Variants in KCTD19 observed in about 807,000 individuals in gnomAD.
KCTD19 encodes BTB/POZ domain-containing protein KCTD19.
A neutral mutation model predicts 103.5 loss-of-function variants in KCTD19; 67 were observed. The observed-to-expected ratio is 0.65, with a 90% confidence interval of 0.53 to 0.79. The LOEUF is 0.79. KCTD19 is among the 30% of genes least tolerant of loss of function. The pLI is 0.00. For missense variants in KCTD19, 980 were observed against 1,136.1 expected (o/e 0.86, Z 1.98); for synonymous variants, 439 against 452.2 (o/e 0.97, Z 0.37).
chr16:67,304,423 G>C lies in KCTD19; in HGVS notation c.449C>G (p.Thr150Arg). ...AGGGACAGCCTATCCCAATTCACCT[G>C]TAAAGGCTGGGCTTTTAATTGGAAA... is the stretch of plus-strand genomic sequence containing the variant. ...SEFPIKSPAF[T>R]GLHDKAPLGL... The change falls in exon 3 of 16, where the codon ACA becomes AGA. Residue 150 changes from threonine (T) to arginine (R), a missense_variant and splice_region_variant. Transcript: ENST00000304372. The C allele has an allele frequency of 6.2e-7, 1 of 1,613,940 alleles. No homozygotes were observed. Among genetic ancestry groups the C allele is most frequent in the Non-Finnish European group, 8.5e-7 (1 of 1,179,826 alleles).
intron 2 of KCTD19, among the ~76,000 whole-genome samples, chr16:67,316,070 C>G (rs550792805): frequency 6.6e-6 from 1 of 152,186 alleles, no homozygotes; most frequent in Non-Finnish European, 1.5e-5. Flanking sequence ...TTGACAAGGT[C>G]TAGCTCTGTC....
In KCTD19 at chr16:67,291,702, G is replaced by A. The variant is rs769389422; in HGVS notation, c.2354C>T (p.Thr785Ile). ...GTGCCTGAGGTTGTCCATCTCCGTGGTATAGATGATGCTGTCCTCAAAGAA... is the reference window on the plus strand; with the variant it reads ...GTGCCTGAGGTTGTCCATCTCCGTGATATAGATGATGCTGTCCTCAAAGAA... ...CMFFEDSIIYTTEMDNLRHTT... is the reference protein window; with the variant it reads ...CMFFEDSIIYITEMDNLRHTT... The change falls in exon 13 of 16, where the codon ACC becomes ATC. Residue 785 changes from threonine to isoleucine, a missense_variant. By Grantham distance (89) the Thr-to-Ile change is moderately conservative (BLOSUM62 -1). Coordinates refer to ENST00000304372, the MANE Select transcript of KCTD19 (RefSeq NM_001100915.3). 10 of 1,614,142 alleles carry A rather than the reference G, an allele frequency of 6.2e-6. No homozygotes were observed. In the East Asian group the frequency reaches 1.8e-4, roughly 29 times the overall value.
chr16:67,310,638 C>CA (rs1046921815), intron 2 of KCTD19, among the ~76,000 whole-genome samples: 110 of 152,284 alleles, frequency 7.2e-4, no homozygotes, highest in African/African-American at 2.6e-3. Flanking sequence ...CAATCAGAAG[C>CA]AACATAAAAC....
intron 15 of KCTD19, among the ~76,000 whole-genome samples, chr16:67,290,167 CTTTTTTTTTTTTT>C (rs11296444): frequency 3.3e-4 from 23 of 69,284 alleles, no homozygotes; most frequent in African/African-American, 9.3e-4. Flanking sequence ...TGAATATTTT[CTTTTTTTTTTTTT>C]TTTTTTTTTT....
rs1004377075 is a variant in KCTD19 at position 67,320,162 on chromosome 16, G to A, written c.300+427C>T. On this transcript the variant is annotated intron_variant, in intron 2 of 15. Transcript: ENST00000304372. The surrounding 1 kb of genome is among the most constrained non-coding windows in gnomAD (Gnocchi z 4.0). The stretch of plus-strand genomic sequence containing the variant: ...CCCAGCTCTTAGGGAGGCTGAGGGA[G>A]CACTTAGGGAGGCCAATTAGAGAGG... 5.3e-5 allele frequency among the ~76,000 whole-genome samples: 8 copies of A among 152,160 alleles called. No homozygotes were observed. Among genetic ancestry groups the A allele is most frequent in the African/African-American group, 1.9e-4 (8 of 41,430 alleles).
chr16:67,296,103 G>GAGCA (rs2036761099), intron 8 of KCTD19, 56 bp downstream of exon 8: 2 of 1,015,090 alleles, frequency 2.0e-6, no homozygotes, highest in African/African-American at 3.2e-5. Flanking sequence ...ATGGCCCCCA[G>GAGCA]AGCAGCTCAG....
intron 2 of KCTD19, among the ~76,000 whole-genome samples, chr16:67,313,682 G>C (rs771063109): frequency 6.6e-6 from 1 of 151,924 alleles, no homozygotes; most frequent in African/African-American, 2.4e-5. Flanking sequence ...TCCGCCTCCC[G>C]GGTTCAAGCA....
At position 67,299,397 on chromosome 16, in the gene KCTD19, T is replaced by C. The variant is rs770355607; in HGVS notation, c.952A>G (p.Ile318Val). 3.7e-6 allele frequency: 6 copies of C among 1,614,226 alleles called. No homozygotes were observed. The South Asian group carries it at 4.4e-5, about 12-fold the overall frequency. ...ESTLDGSRLYITGNGVLFQHV... is the reference protein window; with the variant it reads ...ESTLDGSRLYVTGNGVLFQHV... ...TGAAAGAGGACGCCATTCCCTGTGATGTACAGTCGGCTTCCGTCTAGCGTG... is the reference window on the plus strand; with the variant it reads ...TGAAAGAGGACGCCATTCCCTGTGACGTACAGTCGGCTTCCGTCTAGCGTG... Residue 318 changes from isoleucine (I) to valine (V), a missense_variant, in exon 6 of 16, where the codon ATC becomes GTC. Coordinates refer to ENST00000304372, the MANE Select transcript of KCTD19 (RefSeq NM_001100915.3).
chr16:67,290,612 T>C (rs970790718), intron 15 of KCTD19, among the ~76,000 whole-genome samples: 6 of 152,190 alleles, frequency 3.9e-5, no homozygotes, highest in Non-Finnish European at 5.9e-5. Context: ...GCTCATATGA[T>C]ATGTGTCCCT....
In KCTD19 at chr16:67,306,549, C is replaced by T. The variant is rs573247103; in HGVS notation, c.301-1978G>A. Among the ~76,000 whole-genome samples the T allele has an allele frequency of 4.6e-5, 7 of 152,240 alleles. No individual in the cohort carries two copies. In the South Asian group the frequency reaches 8.3e-4, roughly 18 times the overall value. ...TGCTGGGATTATAGGCGTGAGCCAC[C>T]GTGCCCGTCCTGCCTCTCCATTTTC... On this transcript the variant is annotated intron_variant, in intron 2 of 15. Transcript: ENST00000304372.
Position 67,293,998 on chromosome 16 carries a change from G to A in KCTD19, c.1764C>T (p.Tyr588=), listed in dbSNP as rs1418901835. The change falls in exon 12 of 16, where the codon TAC becomes TAT. Residue 588 remains tyrosine (Y), a synonymous_variant. Coordinates refer to ENST00000304372, the MANE Select transcript of KCTD19 (RefSeq NM_001100915.3). The surrounding 1 kb of genome is among the most constrained non-coding windows in gnomAD (Gnocchi z 4.0). ...TGGTACACAAGCCACGGCAGTGTGA[G>A]TATGTGCTAGGGTTGCCAGCCCTCT... ...NAKRAGNPST[Y]SHCRGLCTNP... is the part of the protein sequence containing the mutation. The A allele has an allele frequency of 4.3e-6, 7 of 1,614,066 alleles. No homozygotes were observed. The highest frequency in any genetic ancestry group is 4.0e-5 in the African/African-American group (3 of 74,928).
At chr16:67,305,641 C>T (rs1463759521) in intron 2 of KCTD19, 2 of 454,822 alleles carry the variant, frequency 4.4e-6, no homozygotes, top group Non-Finnish European at 8.8e-6. Flanking sequence ...ATAACATCAG[C>T]ACCCCCTCCC....
At chr16:67,305,043 G>T (rs933336530) in intron 2 of KCTD19, among the ~76,000 whole-genome samples, 3 of 152,160 alleles carry the variant, frequency 2.0e-5, no homozygotes, top group African/African-American at 7.2e-5. Flanking sequence ...AGGGTGACAT[G>T]CTGATATTCA....
At chr16:67,292,902 G>C (rs2036716155) in intron 12 of KCTD19, among the ~76,000 whole-genome samples, 1 of 152,094 alleles carries the variant, frequency 6.6e-6, no homozygotes, top group Admixed American at 6.6e-5. Flanking sequence ...CAGTCCCACA[G>C]GCTAGAAACC....
chr16:67,290,701 A>G (rs181349464), intron 15 of KCTD19, among the ~76,000 whole-genome samples, 184 bp downstream of exon 15: 1 of 152,340 alleles, frequency 6.6e-6, no homozygotes, highest in Admixed American at 6.5e-5. Context: ...TGGCCTGAAT[A>G]CTGCTTTTGG....
chr16:67,319,567 G>C (rs1236709091), intron 2 of KCTD19, among the ~76,000 whole-genome samples: 1 of 151,992 alleles, frequency 6.6e-6, no homozygotes, highest in Non-Finnish European at 1.5e-5. Context: ...AAAAACTACT[G>C]AATAAACTAC....
intron 2 of KCTD19, among the ~76,000 whole-genome samples, chr16:67,318,578 A>AG (rs1320654279): frequency 2.0e-5 from 3 of 149,998 alleles, no homozygotes; most frequent in Non-Finnish European, 3.0e-5. Context: ...AAAAAAAAAA[A>AG]GAAGCTGCTT....
intron 11 of KCTD19, 31 bp downstream of exon 11, chr16:67,294,549 A>G (rs371199457): frequency 7.6e-5 from 114 of 1,492,440 alleles, no homozygotes; most frequent in Non-Finnish European, 1.0e-4. Context: ...GTTTTTGAGG[A>G]TAACACCAAC....
chr16:67,299,390 CCT>C lies in KCTD19; in HGVS notation c.957_958del (p.Gly320GlufsTer28). The C allele has an allele frequency of 1.2e-6, 2 of 1,614,234 alleles. No individual in the cohort carries two copies. The highest frequency in any genetic ancestry group is 1.7e-6 in the Non-Finnish European group (2 of 1,180,044). ...GACGTGCTGAAAGAGGACGCCATTCCCTGTGATGTACAGTCGGCTTCCGTCTA... is the reference window on the plus strand; with the variant it reads ...GACGTGCTGAAAGAGGACGCCATTCCGTGATGTACAGTCGGCTTCCGTCTA... On this transcript the variant is annotated frameshift_variant, in exon 6 of 16. Coordinates refer to ENST00000304372, the MANE Select transcript of KCTD19 (RefSeq NM_001100915.3). LOFTEE classifies it high-confidence loss of function.
Sources: allele counts gnomAD v4.1 joint callset (sites outside exome capture counted in the v4.1 genomes callset), GRCh38; gene constraint gnomAD v4.1.1; non-coding constraint Gnocchi (gnomAD v3.1); transcripts MANE v1.5; gene names NCBI Gene and HGNC (gene_info 2026-07-23, HGNC 2026-07-21).